The following NRXN3 variants were observed in gnomAD, a reference collection of about 807,000 sequenced individuals.
NRXN3 encodes the protein neurexin 3.
Under a neutral mutation model 137.6 loss-of-function variants are expected in NRXN3, and 32 were observed. The observed-to-expected ratio is 0.23, with a 90% CI of 0.18 to 0.31. The LOEUF is 0.31. NRXN3 is among the 10% of genes least tolerant of loss of function. The pLI is 1.00. For synonymous variants in NRXN3, 798 were observed against 784.5 expected, an observed-to-expected ratio of 1.02 and a Z score of -0.29; for missense variants, 1,574 against 2,062.5, an observed-to-expected ratio of 0.76 and a Z score of 4.59.
At chr14:78,190,903 G>A (rs919348486) in intron 1 of NRXN3, among the ~76,000 whole-genome samples, 8 of 151,928 alleles carry the variant, frequency 5.3e-5, no homozygotes, top group African/African-American at 1.9e-4. Context: ...CGGATGCCTG[G>A]CCTCAAGTGA....
chr14:79,396,410 CTTGT>C (rs1293579854), intron 15 of NRXN3, among the ~76,000 whole-genome samples: 2 of 152,028 alleles, frequency 1.3e-5, no homozygotes, highest in Non-Finnish European at 2.9e-5. Flanking sequence ...TGTTCTCACC[CTTGT>C]TTGATTATGA....
At chr14:78,326,662 C>T (rs1041777676) in intron 4 of NRXN3, among the ~76,000 whole-genome samples, 5 of 152,160 alleles carry the variant, frequency 3.3e-5, no homozygotes, top group African/African-American at 1.2e-4. Flanking sequence ...TAAGATGAAG[C>T]GTGGTGTTCA....
chr14:78,633,963 C>T (rs1566939018), intron 4 of NRXN3, among the ~76,000 whole-genome samples: 2 of 152,256 alleles, frequency 1.3e-5, no homozygotes, highest in Non-Finnish European at 2.9e-5. Context: ...CTCCCTCCCC[C>T]TGCAGGGGAA....
In NRXN3 at chr14:79,862,264, C is replaced by T. The variant is rs905225356; in HGVS notation, c.*300C>T. 1.6e-5 allele frequency: 4 copies of T among 249,274 alleles called. No individual in the cohort carries two copies. The Admixed American group carries it at 2.0e-4, about 12-fold the overall frequency. 15.4% of individuals were successfully genotyped at this position (249,274 alleles called of 1,614,324 possible). ...AGCGCTCTGGAGCCGGACGGTGGCT[C>T]CACCACTTCCGCAGGCCTGGAAACT... is the stretch of plus-strand genomic sequence containing the variant. On this transcript the variant is annotated 3_prime_UTR_variant, in exon 21 of 21. Coordinates refer to ENST00000335750, the MANE Select transcript of NRXN3 (RefSeq NM_001330195.2).
intron 3 of NRXN3, 96 bp from the exon 4 acceptor site, chr14:78,297,735 G>C: frequency 1.1e-6 from 1 of 942,348 alleles, no homozygotes; most frequent in Non-Finnish European, 1.6e-6. Context: ...CAAGGATTAA[G>C]ATTGTATTGC....
In NRXN3 at chr14:78,852,994, C is replaced by A. The variant is rs534532818; in HGVS notation, c.2275+42650C>A. 1.4e-3 allele frequency among the ~76,000 whole-genome samples: 210 copies of A among 152,072 alleles called. 1 individual carries two copies. The highest frequency in any genetic ancestry group is 4.9e-3 in the African/African-American group (205 of 41,492). On this transcript the variant is annotated intron_variant, in intron 10 of 20. Transcript: ENST00000335750. The stretch of plus-strand genomic sequence containing the variant: ...TAACATAATGACCCCCAGTTCCATC[C>A]ATATTGATGCAAATGACAGAATCTC...
intron 8 of NRXN3, among the ~76,000 whole-genome samples, chr14:78,734,660 C>T (rs901464420): frequency 5.3e-5 from 8 of 152,168 alleles, no homozygotes; most frequent in African/African-American, 1.9e-4. Context: ...GAAACAGCTC[C>T]AGAGGGAATG....
intron 15 of NRXN3, among the ~76,000 whole-genome samples, chr14:79,092,885 C>T (rs1568264559): frequency 6.6e-6 from 1 of 152,262 alleles, no homozygotes; most frequent in South Asian, 2.1e-4. Flanking sequence ...CTCTGCCCAA[C>T]TGGGTCCCCA....
intron 19 of NRXN3, among the ~76,000 whole-genome samples, chr14:79,786,700 A>G (rs2099130418): frequency 6.6e-6 from 1 of 152,240 alleles, no homozygotes; most frequent in South Asian, 2.1e-4. Flanking sequence ...AGAGCAAGGG[A>G]TGATAAACTC....
intron 15 of NRXN3, among the ~76,000 whole-genome samples, chr14:79,168,567 C>T (rs1252689253): frequency 6.6e-6 from 1 of 151,680 alleles, no homozygotes; most frequent in Non-Finnish European, 1.5e-5. Context: ...GTTTCTCTTC[C>T]TGATTATTCT....
At chr14:79,518,206 ACTTTT>A in intron 16 of NRXN3, among the ~76,000 whole-genome samples, 1 of 151,922 alleles carries the variant, frequency 6.6e-6, no homozygotes, top group South Asian at 2.1e-4. Flanking sequence ...CACCCAGCCC[ACTTTT>A]CTTTTATATT....
At chr14:78,521,996 A>AT (rs2096290437) in intron 4 of NRXN3, among the ~76,000 whole-genome samples, 1 of 152,208 alleles carries the variant, frequency 6.6e-6, no homozygotes, top group African/African-American at 2.4e-5. Flanking sequence ...TGAATGATTT[A>AT]GGTCATACTT....
At chr14:79,589,577 A>G (rs953096691) in intron 16 of NRXN3, among the ~76,000 whole-genome samples, 2 of 150,142 alleles carry the variant, frequency 1.3e-5, no homozygotes, top group African/African-American at 4.9e-5. Context: ...AAAGGAATCA[A>G]ATAAGGAAGA....
At position 78,306,964 on chromosome 14, in the gene NRXN3, TA is replaced by T. The variant is rs147729847; in HGVS notation, c.757+9106del. ...TAAAAAGCCTTAAATGCATTGTTTT[TA>T]ATGTATTTTTATATATGCAGTTTTT... is the stretch of plus-strand genomic sequence containing the variant. On this transcript the variant is annotated intron_variant, in intron 4 of 20. Coordinates refer to ENST00000335750, the MANE Select transcript of NRXN3 (RefSeq NM_001330195.2). 6.4e-3 allele frequency among the ~76,000 whole-genome samples: 974 copies of T among 152,312 alleles called. 9 individuals carry two copies. The highest frequency in any genetic ancestry group is 0.023 in the African/African-American group (945 of 41,566).
chr14:79,154,005 G>T (rs912573400), intron 15 of NRXN3, among the ~76,000 whole-genome samples: 1 of 152,100 alleles, frequency 6.6e-6, no homozygotes, highest in African/African-American at 2.4e-5. Flanking sequence ...ATTGCCCAAA[G>T]AGCGAAGAGC....
At chr14:78,330,205 A>G (rs982172982) in intron 4 of NRXN3, among the ~76,000 whole-genome samples, 1 of 152,172 alleles carries the variant, frequency 6.6e-6, no homozygotes, top group Non-Finnish European at 1.5e-5. Flanking sequence ...TTTTCTTGAA[A>G]CAGAGAGAGC....
At chr14:78,399,908 A>C (rs898312873) in intron 4 of NRXN3, among the ~76,000 whole-genome samples, 1 of 152,224 alleles carries the variant, frequency 6.6e-6, no homozygotes, top group Admixed American at 6.5e-5. Flanking sequence ...TCAAGATCCT[A>C]ATAGTGTCAG....
intron 16 of NRXN3, among the ~76,000 whole-genome samples, chr14:79,585,482 T>A (rs1305553915): frequency 3.3e-5 from 5 of 151,892 alleles, no homozygotes; most frequent in Admixed American, 1.3e-4. Flanking sequence ...GTCAAGAGAT[T>A]GAGACCATCC....
intron 20 of NRXN3, among the ~76,000 whole-genome samples, chr14:79,848,064 T>C (rs2099384028): frequency 6.6e-6 from 1 of 152,168 alleles, no homozygotes; most frequent in African/African-American, 2.4e-5. Flanking sequence ...AGTGTGCCTT[T>C]GCTGAATTGA....
Sources: allele counts gnomAD v4.1 joint callset (sites outside exome capture counted in the v4.1 genomes callset), GRCh38; gene constraint gnomAD v4.1.1; transcripts MANE v1.5; gene names NCBI Gene and HGNC (gene_info 2026-07-23, HGNC 2026-07-21).